Variants in KCNQ3 observed in about 807,000 individuals in gnomAD.
The protein encoded by KCNQ3 is potassium voltage-gated channel subfamily KQT member 3.
In KCNQ3, 30 loss-of-function variants were observed where a neutral mutation model predicts 92.5. That is an observed-to-expected ratio of 0.32 (90% CI 0.24 to 0.44). The LOEUF is 0.44. Among genes scored for constraint, KCNQ3 ranks in the 20% least tolerant of loss-of-function variants. KCNQ3 has a pLI of 1.00. For synonymous variants in KCNQ3, 450 were observed against 468.8 expected, an observed-to-expected ratio of 0.96 and a Z score of 0.52; for missense variants, 913 against 1,140.3, an observed-to-expected ratio of 0.80 and a Z score of 2.87.
At chr8:132,213,259 T>C (rs1405440563) in intron 1 of KCNQ3, among the ~76,000 whole-genome samples, 1 of 152,164 alleles carries the variant, frequency 6.6e-6, no homozygotes, top group Non-Finnish European at 1.5e-5. Context: ...CCCTTCCAGC[T>C]TTGTCATCTG....
intron 1 of KCNQ3, among the ~76,000 whole-genome samples, chr8:132,312,323 G>A (rs1334352918): frequency 6.6e-6 from 1 of 152,166 alleles, no homozygotes; most frequent in African/African-American, 2.4e-5. Flanking sequence ...GCTTTTTGGT[G>A]CTGCTTTATG....
intron 1 of KCNQ3, among the ~76,000 whole-genome samples, chr8:132,316,051 C>A (rs759649206): frequency 3.3e-5 from 5 of 152,184 alleles, no homozygotes; most frequent in Non-Finnish European, 7.3e-5. Flanking sequence ...AAAAGGGAAT[C>A]TGCGGTAGGC....
At chr8:132,345,861 T>C (rs888433539) in intron 1 of KCNQ3, among the ~76,000 whole-genome samples, 1 of 151,938 alleles carries the variant, frequency 6.6e-6, no homozygotes, top group Non-Finnish European at 1.5e-5. Context: ...AATGATGAAA[T>C]GGTGATGATG....
chr8:132,343,820 A>T (rs1404914753), intron 1 of KCNQ3, among the ~76,000 whole-genome samples: 1 of 152,100 alleles, frequency 6.6e-6, no homozygotes, highest in Non-Finnish European at 1.5e-5. Flanking sequence ...TGCAGTCTTC[A>T]GTTCCATATT....
At chr8:132,283,102 T>TGTGTGTGTGTGTGTGTGTATGTGTG (rs1554640533) in intron 1 of KCNQ3, among the ~76,000 whole-genome samples, 3,740 of 151,798 alleles carry the variant, frequency 0.025, 174 homozygotes, top group African/African-American at 0.085. Context: ...CGTGTGTGTG[T>TGTGTGTGTGTGTGTGTGTATGTGTG]GTGTGTGTGT....
intron 9 of KCNQ3, among the ~76,000 whole-genome samples, chr8:132,154,206 T>G (rs984478702): frequency 7.7e-5 from 11 of 142,596 alleles, no homozygotes; most frequent in Admixed American, 2.1e-4. Flanking sequence ...TTTTTTTTTT[T>G]TTTTTTTTTT....
At chr8:132,323,382 T>G (rs1817949992) in intron 1 of KCNQ3, among the ~76,000 whole-genome samples, 1 of 152,198 alleles carries the variant, frequency 6.6e-6, no homozygotes, top group Admixed American at 6.5e-5. Flanking sequence ...CATTTACACA[T>G]TTTCTGTGGC....
At chr8:132,221,255 G>A (rs1486346490) in intron 1 of KCNQ3, among the ~76,000 whole-genome samples, 2 of 152,160 alleles carry the variant, frequency 1.3e-5, no homozygotes, top group Non-Finnish European at 2.9e-5. Context: ...TTTCTATTGT[G>A]AATAGTGCCG....
intron 1 of KCNQ3, among the ~76,000 whole-genome samples, chr8:132,427,802 T>C (rs890607897): frequency 6.6e-6 from 1 of 152,172 alleles, no homozygotes; most frequent in Non-Finnish European, 1.5e-5. Flanking sequence ...AAACAGCAGC[T>C]GAGCACAGGA....
chr8:132,386,194 G>T (rs1431834034), intron 1 of KCNQ3, among the ~76,000 whole-genome samples: 4 of 152,056 alleles, frequency 2.6e-5, no homozygotes, highest in African/African-American at 9.7e-5. Flanking sequence ...ATCCAAAGCT[G>T]TCCTTAGAGG....
intron 1 of KCNQ3, among the ~76,000 whole-genome samples, chr8:132,385,090 C>A (rs1468383461): frequency 2.0e-5 from 3 of 151,760 alleles, no homozygotes; most frequent in Non-Finnish European, 4.4e-5. Flanking sequence ...TAAGATCATG[C>A]CTCTTTCCAC....
intron 1 of KCNQ3, among the ~76,000 whole-genome samples, chr8:132,454,575 A>C (rs1821896617): frequency 6.6e-6 from 1 of 152,180 alleles, no homozygotes; most frequent in South Asian, 2.1e-4. Context: ...GAGGAATGAA[A>C]GAACTGCCCA....
At chr8:132,323,731 G>A (rs115685983) in intron 1 of KCNQ3, among the ~76,000 whole-genome samples, 189 of 152,102 alleles carry the variant, frequency 1.2e-3, no homozygotes, top group African/African-American at 4.5e-3. Context: ...CTGCTGTAGT[G>A]GAGTTGAGTT....
At chr8:132,146,909 C>T (rs1215368309) in intron 9 of KCNQ3, among the ~76,000 whole-genome samples, 1 of 151,980 alleles carries the variant, frequency 6.6e-6, no homozygotes, top group Non-Finnish European at 1.5e-5. Flanking sequence ...ACGCCCGCCT[C>T]GGCCTCCCAA....
chr8:132,346,447 C>CTTT (rs1818691595), intron 1 of KCNQ3, among the ~76,000 whole-genome samples: 2 of 152,156 alleles, frequency 1.3e-5, no homozygotes, highest in African/African-American at 4.8e-5. Flanking sequence ...GTCGGGATGA[C>CTTT]TCAGCAGTCC....
At chr8:132,255,390 G>T (rs1207691409) in intron 1 of KCNQ3, among the ~76,000 whole-genome samples, 4 of 152,180 alleles carry the variant, frequency 2.6e-5, no homozygotes, top group Non-Finnish European at 5.9e-5. Flanking sequence ...AACACTGCAG[G>T]TGCCTGAGCT....
intron 1 of KCNQ3, among the ~76,000 whole-genome samples, chr8:132,371,784 T>A (rs113775915): frequency 6.6e-6 from 1 of 152,160 alleles, no homozygotes; most frequent in African/African-American, 2.4e-5. Context: ...AGCTCCAACA[T>A]GAACAGTCAA....
intron 1 of KCNQ3, among the ~76,000 whole-genome samples, chr8:132,410,854 C>T (rs1820633617): frequency 1.3e-5 from 2 of 152,226 alleles, no homozygotes; most frequent in Non-Finnish European, 2.9e-5. Flanking sequence ...GACTCTGTTG[C>T]TTCTGTTTCA....
chr8:132,217,694 G>A (rs1586836796), intron 1 of KCNQ3, among the ~76,000 whole-genome samples: 1 of 140,882 alleles, frequency 7.1e-6, no homozygotes, highest in African/African-American at 2.7e-5. Context: ...CTGGGCGACA[G>A]AGTGAGGCTC....
Sources: gnomAD v4.1 joint callset for allele counts (sites outside exome capture counted in the v4.1 genomes callset) on GRCh38, gnomAD v4.1.1 for gene constraint, MANE v1.5 for transcripts, NCBI Gene and HGNC (gene_info 2026-07-23, HGNC 2026-07-21) for gene names.